The following SNAPC3 variants were observed in gnomAD, a reference collection of about 807,000 sequenced individuals.
SNAPC3 encodes snRNA-activating protein complex subunit 3.
A neutral mutation model predicts 47.7 loss-of-function variants in SNAPC3; 56 were observed. The ratio of observed to expected loss-of-function variants is 1.18; its 90% CI spans 0.95 to 1.47. The LOEUF (loss-of-function observed/expected upper bound fraction) is 1.47, where lower values mean the gene tolerates loss of function less well. SNAPC3 is among the 40% of genes most tolerant of loss of function. The pLI is 0.00. For missense variants in SNAPC3, 665 were observed against 511.3 expected (o/e 1.30, Z -2.90); for synonymous variants, 235 against 189.9 (o/e 1.24, Z -1.95).
intron 5 of SNAPC3, among the ~76,000 whole-genome samples, chr9:15,447,789 C>A (rs2034062845): frequency 1.3e-5 from 2 of 152,196 alleles, no homozygotes; most frequent in African/African-American, 4.8e-5. Flanking sequence ...ACCCATTCTT[C>A]ACCTTTCGCT....
rs541200355 is a variant in SNAPC3 at position 15,460,605 on chromosome 9, G to A, written c.*739G>A. On this transcript the variant is annotated 3_prime_UTR_variant, in exon 9 of 9. Transcript: ENST00000380821. ...GGGGTTTCACCATGTTGGCCAGGCT[G>A]GTCTCAAACTCCTAACCTCAGGCGA... 1 of 152,336 alleles carries A rather than the reference G, an allele frequency of 6.6e-6. No individual in the cohort carries two copies. The highest frequency in any genetic ancestry group is 2.1e-4 in the South Asian group (1 of 4,830). 9.4% of individuals were successfully genotyped at this position (152,336 alleles called of 1,614,324 possible). A position where few individuals can be genotyped will look rare whatever the true frequency, so the allele number is the denominator to read the frequency against.
chr9:15,425,887 A>T (rs1371091743), intron 2 of SNAPC3, among the ~76,000 whole-genome samples: 1 of 152,022 alleles, frequency 6.6e-6, no homozygotes, highest in Non-Finnish European at 1.5e-5. Context: ...TTGAGATGGA[A>T]TTTCACTCTT....
rs774279214 is a variant in SNAPC3 at position 15,447,198 on chromosome 9, G to A, written c.686G>A (p.Gly229Asp). 1.2e-6 allele frequency: 2 copies of A among 1,614,060 alleles called. No individual in the cohort carries two copies. The highest frequency in any genetic ancestry group is 1.7e-6 in the Non-Finnish European group (2 of 1,179,944). The change falls in exon 5 of 9, where the codon GGT (glycine) becomes GAT (aspartate). Residue 229 changes from glycine (G) to aspartate (D), a missense_variant. Gly to Asp is a moderately conservative substitution (Grantham distance 94, BLOSUM62 -1). Transcript: ENST00000380821. ...IRCVSDLQIG[G>D]EFSNTPDQAP... ...TGTGTCAGTGACCTCCAGATTGGTGGTGAATTCAGCAACACTCCTGACCAA... is the reference window on the plus strand; with the variant it reads ...TGTGTCAGTGACCTCCAGATTGGTGATGAATTCAGCAACACTCCTGACCAA...
At chr9:15,439,332 T>G (rs1015764691) in intron 3 of SNAPC3, among the ~76,000 whole-genome samples, 1 of 152,220 alleles carries the variant, frequency 6.6e-6, no homozygotes, top group Non-Finnish European at 1.5e-5. Flanking sequence ...ATATATCTTC[T>G]TGCTGGATGG....
chr9:15,455,792 A>G (rs1236456978), intron 7 of SNAPC3, among the ~76,000 whole-genome samples: 1 of 151,458 alleles, frequency 6.6e-6, no homozygotes, highest in Non-Finnish European at 1.5e-5. Flanking sequence ...TCTGTCTCCT[A>G]GGTTGAAGCA....
intron 3 of SNAPC3, among the ~76,000 whole-genome samples, chr9:15,437,712 G>A (rs1422093546): frequency 6.6e-6 from 1 of 151,544 alleles, no homozygotes; most frequent in Non-Finnish European, 1.5e-5. Context: ...GCATTTTGAG[G>A]ATAAATAAAT....
intron 2 of SNAPC3, among the ~76,000 whole-genome samples, chr9:15,430,921 T>A (rs1328289709): frequency 2.0e-5 from 3 of 152,284 alleles, no homozygotes; most frequent in Admixed American, 6.5e-5. Flanking sequence ...TTGGCTCTCA[T>A]CTTCAAATTT....
Position 15,422,938 on chromosome 9 carries a change from C to T in SNAPC3, c.59C>T (p.Pro20Leu). 6.5e-7 allele frequency: 1 copy of T among 1,534,824 alleles called. No homozygotes were observed. Among genetic ancestry groups the T allele is most frequent in the South Asian group, 1.2e-5 (1 of 82,070 alleles). The change falls in exon 1 of 9, where the codon CCA becomes CTA. Residue 20 changes from proline to leucine, a missense_variant. Transcript: ENST00000380821. Reference protein sequence around the residue: ...TCSGVGGRQDPVSGSGGCNFP... With the variant: ...TCSGVGGRQDLVSGSGGCNFP... ...AGCGGGGTGGGTGGCAGGCAGGACC[C>T]AGTCTCCGGCAGTGGCGGCTGCAAC...
downstream of SNAPC3, among the ~76,000 whole-genome samples, chr9:15,466,192 A>G (rs1406504244): frequency 6.6e-6 from 1 of 152,238 alleles, no homozygotes; most frequent in Non-Finnish European, 1.5e-5. Context: ...GGGCTGGCCA[A>G]CATGGTGAAA....
intron 7 of SNAPC3, among the ~76,000 whole-genome samples, chr9:15,456,005 G>C (rs1440861862): frequency 1.3e-5 from 2 of 152,178 alleles, no homozygotes; most frequent in Non-Finnish European, 2.9e-5. Flanking sequence ...CTCCCGAGTA[G>C]CTGGGATTAC....
chr9:15,436,725 C>G (rs2032837330), intron 3 of SNAPC3, among the ~76,000 whole-genome samples: 1 of 151,486 alleles, frequency 6.6e-6, no homozygotes. Context: ...CTGTAGATTA[C>G]TTTGGGGGAG....
At chr9:15,455,633 C>T (rs1480891214) in intron 7 of SNAPC3, among the ~76,000 whole-genome samples, 1 of 151,772 alleles carries the variant, frequency 6.6e-6, no homozygotes, top group African/African-American at 2.4e-5. Context: ...AATGTGCTGG[C>T]CTTGTAATAA....
In SNAPC3 at chr9:15,426,010, T is replaced by C. The variant is rs370178439; in HGVS notation, c.392+2024T>C. Among the ~76,000 whole-genome samples, 6 of 152,324 alleles carry C rather than the reference T, an allele frequency of 3.9e-5. No homozygotes were observed. The East Asian group carries it at 9.6e-4, about 24-fold the overall frequency. On this transcript the variant is annotated intron_variant, in intron 2 of 8. Coordinates refer to ENST00000380821, the MANE Select transcript of SNAPC3 (RefSeq NM_001039697.2). ...CCAAGTAGCTGGGATTACAGGCATG[T>C]GCCACCACGCTTAATTTTGTATTTT... is the stretch of plus-strand genomic sequence containing the variant.
chr9:15,444,302 C>T (rs1192447040), intron 3 of SNAPC3, among the ~76,000 whole-genome samples: 1 of 152,202 alleles, frequency 6.6e-6, no homozygotes, highest in Non-Finnish European at 1.5e-5. Context: ...CAGTGTTATA[C>T]CAACATTAGT....
chr9:15,424,575 C>T (rs944357916), intron 2 of SNAPC3, among the ~76,000 whole-genome samples: 1 of 152,026 alleles, frequency 6.6e-6, no homozygotes, highest in South Asian at 2.1e-4. Context: ...TAATTAAATT[C>T]AATAGACAAA....
chr9:15,464,530 TTG>T (rs2035478806), downstream of SNAPC3: 1 of 200,728 alleles, frequency 5.0e-6, no homozygotes, highest in African/African-American at 2.3e-5. Context: ...CAACTAGTGT[TTG>T]TATTTTTGGA....
intron 3 of SNAPC3, among the ~76,000 whole-genome samples, chr9:15,435,380 C>T (rs1392272932): frequency 2.0e-5 from 3 of 152,110 alleles, no homozygotes; most frequent in Non-Finnish European, 4.4e-5. Context: ...CCAGACCAGC[C>T]TGACCAACAT....
rs1359438179 is a variant in SNAPC3, at chr9:15,441,845, TC to T, written c.478-2752del. On this transcript the variant is annotated intron_variant, in intron 3 of 8. Transcript: ENST00000380821. Reference sequence around the variant, plus strand: ...GATTTCTCTATCTTTTCCCCACATTTCCCCCTTTTCTATTCGACAAAACCGC... The same window carrying T: ...GATTTCTCTATCTTTTCCCCACATTTCCCCTTTTCTATTCGACAAAACCGC... Among the ~76,000 whole-genome samples, 6 of 152,108 alleles carry T rather than the reference TC, an allele frequency of 3.9e-5. No individual in the cohort carries two copies. The East Asian group carries it at 9.6e-4, about 24-fold the overall frequency.
chr9:15,445,939 G>A (rs1208636373), intron 4 of SNAPC3, among the ~76,000 whole-genome samples: 2 of 151,948 alleles, frequency 1.3e-5, no homozygotes, highest in Admixed American at 6.6e-5. Flanking sequence ...GTCCCTCACC[G>A]CCACCCCCTT....
Sources: gnomAD v4.1 joint callset for allele counts (sites outside exome capture counted in the v4.1 genomes callset) on GRCh38, gnomAD v4.1.1 for gene constraint, MANE v1.5 for transcripts, NCBI Gene and HGNC (gene_info 2026-07-23, HGNC 2026-07-21) for gene names.